SMIM31: variants seen among roughly 807,000 people sequenced by gnomAD.
SMIM31 encodes the protein human epithelial cell program regulator.
chr4:164,760,738 T>TAA (rs60710008), intron 1 of SMIM31, among the ~76,000 whole-genome samples: 26 of 86,220 alleles, frequency 3.0e-4, no homozygotes, highest in African/African-American at 8.2e-4. Context: ...AGACTCCACC[T>TAA]AAAAAAAAAA....
intron 1 of SMIM31, among the ~76,000 whole-genome samples, chr4:164,755,182 T>C (rs72694069): frequency 0.36 from 54,097 of 151,126 alleles, 11,840 homozygotes; most frequent in Non-Finnish European, 0.48. Flanking sequence ...AATATTTTTC[T>C]ATCATCCACA....
Position 164,769,600 on chromosome 4 carries a change from TGGGGGGA to T in SMIM31, c.-25-808_-25-802del, listed in dbSNP as rs1265745517. On this transcript the variant is annotated intron_variant, in intron 1 of 2. Transcript: ENST00000507311. ...TCACACACCGGGGCCTGTTGTGGGG[TGGGGGGA>T]GGGGGGAGGGATAGCATTAGGAGAT... Among the ~76,000 whole-genome samples, 7 of 24,276 alleles carry T rather than the reference TGGGGGGA, an allele frequency of 2.9e-4. No individual in the cohort carries two copies. The Admixed American group carries it at 4.1e-3, about 14-fold the overall frequency. The allele number at this position is 24,276 out of a possible 152,430, so 15.9% of individuals were successfully genotyped here.
At chr4:164,790,246 A>T (rs562807916) in intron 2 of SMIM31, among the ~76,000 whole-genome samples, 1 of 152,320 alleles carries the variant, frequency 6.6e-6, no homozygotes, top group South Asian at 2.1e-4. Flanking sequence ...TTGAAAACTT[A>T]TAAGCTAAAT....
At chr4:164,765,680 C>T (rs1374237135) in intron 1 of SMIM31, among the ~76,000 whole-genome samples, 10 of 149,880 alleles carry the variant, frequency 6.7e-5, no homozygotes, top group Admixed American at 3.3e-4. Context: ...GTGGCATGCA[C>T]GTTGGTTAGT....
intron 2 of SMIM31, among the ~76,000 whole-genome samples, chr4:164,784,400 G>A (rs1733000366): frequency 6.6e-6 from 1 of 152,106 alleles, no homozygotes; most frequent in African/African-American, 2.4e-5. Context: ...AGTATTATAT[G>A]TCACGTTTTG....
intron 2 of SMIM31, among the ~76,000 whole-genome samples, chr4:164,790,471 A>G (rs1199064460): frequency 6.6e-6 from 1 of 152,160 alleles, no homozygotes; most frequent in African/African-American, 2.4e-5. Flanking sequence ...TATAAATTCC[A>G]TTTTTTATTA....
At chr4:164,800,397 G>A (rs1579076593) in intron 2 of SMIM31, among the ~76,000 whole-genome samples, 2 of 151,940 alleles carry the variant, frequency 1.3e-5, no homozygotes, top group Admixed American at 6.6e-5. Context: ...TAGTAGAGAT[G>A]GGATTTCGCC....
At chr4:164,758,630 GTTTTTTTTTT>G (rs1210607914) in intron 1 of SMIM31, among the ~76,000 whole-genome samples, 32 of 96,640 alleles carry the variant, frequency 3.3e-4, no homozygotes, top group African/African-American at 1.3e-3. Flanking sequence ...TCCTTTTTTT[GTTTTTTTTTT>G]TTTTTTTTTT....
In SMIM31 at chr4:164,795,490, G is replaced by A. The variant is rs545471086; in HGVS notation, c.113-5601G>A. Among the ~76,000 whole-genome samples the A allele has an allele frequency of 5.6e-3, 828 of 148,780 alleles. 34 individuals are homozygous for A. The highest frequency in any genetic ancestry group is 1.0e-3 in the Non-Finnish European group (69 of 67,554). ...GAAGAATCACTTGAACCTGGGAGGC[G>A]GAGAGGTTGCAGTGAGGCGAGATCA... On this transcript the variant is annotated intron_variant, in intron 2 of 2. Transcript: ENST00000507311.
chr4:164,760,104 T>G (rs1732625696), intron 1 of SMIM31, among the ~76,000 whole-genome samples: 1 of 152,078 alleles, frequency 6.6e-6, no homozygotes, highest in Admixed American at 6.6e-5. Flanking sequence ...AGGAGGATAG[T>G]GCACCTAGAA....
At chr4:164,792,910 T>G (rs932762480) in intron 2 of SMIM31, among the ~76,000 whole-genome samples, 8 of 152,070 alleles carry the variant, frequency 5.3e-5, no homozygotes, top group African/African-American at 1.9e-4. Flanking sequence ...AGCACTGGCA[T>G]AAAAACAGAA....
chr4:164,757,389 G>T (rs1732578875), intron 1 of SMIM31, among the ~76,000 whole-genome samples: 1 of 138,170 alleles, frequency 7.2e-6, no homozygotes, highest in African/African-American at 2.5e-5. Flanking sequence ...TGTTAATGAT[G>T]CATTTTGATG....
intron 2 of SMIM31, chr4:164,787,481 T>C (rs928670951): frequency 1.6e-4 from 25 of 151,868 alleles, no homozygotes; most frequent in African/African-American, 5.3e-4. Flanking sequence ...CCTTCTTTTC[T>C]CTCTCCTTTT....
At chr4:164,754,496 G>T (rs1732528293) in intron 1 of SMIM31, 85 bp downstream of exon 1, 6 of 122,444 alleles carry the variant, frequency 4.9e-5, no homozygotes, top group Admixed American at 1.8e-4. Context: ...GACTAGAAAT[G>T]TAATATTTAA....
chr4:164,801,042 T>C, intron 2 of SMIM31, 49 bp from the exon 3 acceptor site: 2 of 398,308 alleles, frequency 5.0e-6, no homozygotes, highest in Non-Finnish European at 8.9e-6. Flanking sequence ...TTCTACTTTT[T>C]CCAAATGGTG....
chr4:164,759,020 T>C (rs1367381618), intron 1 of SMIM31, among the ~76,000 whole-genome samples: 1 of 151,714 alleles, frequency 6.6e-6, no homozygotes, highest in Non-Finnish European at 1.5e-5. Context: ...ATTACAGTGA[T>C]TGAATTCCAA....
chr4:164,781,519 G>A (rs1579068812), intron 2 of SMIM31, among the ~76,000 whole-genome samples: 1 of 152,138 alleles, frequency 6.6e-6, no homozygotes, highest in East Asian at 1.9e-4. Context: ...AATGTGTTTT[G>A]CTAAGTTAGT....
intron 2 of SMIM31, among the ~76,000 whole-genome samples, chr4:164,793,584 C>CA (rs1353907504): frequency 6.6e-6 from 1 of 152,184 alleles, no homozygotes; most frequent in East Asian, 1.9e-4. Flanking sequence ...GGCTTGTAGG[C>CA]AGCCACTATA....
At chr4:164,788,903 T>C (rs944830893) in intron 2 of SMIM31, among the ~76,000 whole-genome samples, 3 of 152,348 alleles carry the variant, frequency 2.0e-5, no homozygotes, top group South Asian at 2.1e-4. Flanking sequence ...GTATTCTATA[T>C]GCTATTTCAG....
Sources: gnomAD v4.1 joint callset for allele counts (sites outside exome capture counted in the v4.1 genomes callset) on GRCh38, gnomAD v4.1.1 for gene constraint, MANE v1.5 for transcripts, NCBI Gene and HGNC (gene_info 2026-07-23, HGNC 2026-07-21) for gene names.